The following CD200 variants were observed in gnomAD, a reference collection of about 807,000 sequenced individuals.
CD200 encodes the protein OX-2 membrane glycoprotein.
A neutral mutation model predicts 30.9 loss-of-function variants in CD200; 15 were observed. The ratio of observed to expected loss-of-function variants is 0.49; its 90% CI spans 0.32 to 0.75. CD200 has a LOEUF of 0.75. Ranked by LOEUF, CD200 falls within the 30% of genes least tolerant of loss-of-function variation. The probability of loss-of-function intolerance (pLI) is 0.03; values close to 1 mark genes in which losing one functional copy is unlikely to be tolerated. For synonymous variants in CD200, 134 were observed against 126.2 expected (o/e 1.06, Z -0.41); for missense variants, 262 against 324.2 (o/e 0.81, Z 1.47).
chr3:112,351,907 G>C (rs2081539523), intron 5 of CD200, among the ~76,000 whole-genome samples: 1 of 152,060 alleles, frequency 6.6e-6, no homozygotes, highest in Admixed American at 6.6e-5. Flanking sequence ...AATAAAAGAG[G>C]GTGCTGCCAG....
intron 1 of CD200, 39 bp from the exon 2 acceptor site, chr3:112,340,863 T>C (rs1177302453): frequency 7.8e-7 from 1 of 1,274,876 alleles, no homozygotes; most frequent in Non-Finnish European, 1.1e-6. Context: ...TTTGTCCAAA[T>C]CCAAACCCCC....
At chr3:112,353,420 C>T (rs1319415181) in intron 5 of CD200, among the ~76,000 whole-genome samples, 1 of 151,950 alleles carries the variant, frequency 6.6e-6, no homozygotes, top group Non-Finnish European at 1.5e-5. Flanking sequence ...CAAGTACTAG[C>T]TAATCCATGT....
At chr3:112,336,175 C>T (rs760420886) in intron 1 of CD200, among the ~76,000 whole-genome samples, 4 of 151,972 alleles carry the variant, frequency 2.6e-5, no homozygotes, top group Non-Finnish European at 4.4e-5. Context: ...AAGTTTAGGT[C>T]GTGGCTGTTT....
chr3:112,341,946 A>G (rs1231799077), intron 2 of CD200, among the ~76,000 whole-genome samples: 1 of 152,162 alleles, frequency 6.6e-6, no homozygotes, highest in Non-Finnish European at 1.5e-5. Context: ...TGAATCATGC[A>G]ATACTCAGGG....
rs910231910 is a variant in CD200 at position 112,361,940 on chromosome 3, A to T, written c.*390A>T. 1.0e-5 allele frequency: 2 copies of T among 197,406 alleles called. No homozygotes were observed. The highest frequency in any genetic ancestry group is 1.2e-4 in the Admixed American group (2 of 17,076). The allele number at this position is 197,406 out of a possible 1,614,324, so 12.2% of individuals were successfully genotyped here. On this transcript the variant is annotated 3_prime_UTR_variant, in exon 6 of 6. Transcript: ENST00000315711. ...AATTGGACCAAATAATTTACCACAT[A>T]GCTCTAAAACTTAATTTAAAATGTA...
rs200906443 is a variant in CD200 at position 112,334,758 on chromosome 3, AC to A, written c.12+1536del. Among the ~76,000 whole-genome samples, 127 of 151,172 alleles carry A rather than the reference AC, an allele frequency of 8.4e-4. No homozygotes were observed. The East Asian group carries it at 0.016, about 19-fold the overall frequency. ...CTGCACAGACTCGAGGAAAAAAAAAACCTGTAAAATAAAAATACGTATCTAT... is the reference window on the plus strand; with the variant it reads ...CTGCACAGACTCGAGGAAAAAAAAAACTGTAAAATAAAAATACGTATCTAT... On this transcript the variant is annotated intron_variant, in intron 1 of 5. Coordinates refer to ENST00000315711, the MANE Select transcript of CD200 (RefSeq NM_005944.7).
At chr3:112,339,444 G>T (rs1472428579) in intron 1 of CD200, among the ~76,000 whole-genome samples, 2 of 152,154 alleles carry the variant, frequency 1.3e-5, no homozygotes, top group Non-Finnish European at 2.9e-5. Context: ...TATTTTGTAG[G>T]CTGGGAGAGC....
At chr3:112,339,041 A>T (rs2081181688) in intron 1 of CD200, among the ~76,000 whole-genome samples, 1 of 152,218 alleles carries the variant, frequency 6.6e-6, no homozygotes, top group African/African-American at 2.4e-5. Flanking sequence ...ATTGGATGAA[A>T]TGCTTTATCT....
chr3:112,336,805 G>A (rs1406603587), intron 1 of CD200, among the ~76,000 whole-genome samples: 6 of 152,202 alleles, frequency 3.9e-5, no homozygotes, highest in South Asian at 2.1e-4. Context: ...CAATGAGACA[G>A]GCACCAAGAG....
chr3:112,352,540 TGA>T (rs3083141), intron 5 of CD200, among the ~76,000 whole-genome samples: 44,049 of 149,564 alleles, frequency 0.29, 6,678 homozygotes, highest in Non-Finnish European at 0.36. Context: ...GAGGTGGAAC[TGA>T]GAGAGAGAGA....
chr3:112,338,439 A>G (rs2081167635), intron 1 of CD200, among the ~76,000 whole-genome samples: 2 of 152,182 alleles, frequency 1.3e-5, no homozygotes, highest in African/African-American at 4.8e-5. Flanking sequence ...AGGAAAGATA[A>G]AAGAACTAAT....
rs1022196985 is a variant in CD200, at chr3:112,362,266, A to G, written c.*716A>G. On this transcript the variant is annotated 3_prime_UTR_variant, in exon 6 of 6. Coordinates refer to ENST00000315711, the MANE Select transcript of CD200 (RefSeq NM_005944.7). ...TTGTGAAGTAACATTGGCAATCTTA[A>G]CTTATTCATTTAACTTATTTTTATA... The G allele has an allele frequency of 6.6e-6, 1 of 152,212 alleles. No homozygotes were observed. Among genetic ancestry groups the G allele is most frequent in the Non-Finnish European group, 1.5e-5 (1 of 68,030 alleles). The allele number at this position is 152,212 out of a possible 1,614,324, so 9.4% of individuals were successfully genotyped here.
At chr3:112,345,356 C>T (rs1045813494) in intron 3 of CD200, 68 bp downstream of exon 3, 21 of 1,285,222 alleles carry the variant, frequency 1.6e-5, no homozygotes, top group South Asian at 1.1e-4. Flanking sequence ...GGAATATAGC[C>T]GTAGTGCCCA....
rs922254888 is a variant in CD200 at position 112,345,051 on chromosome 3, G to A, written c.184G>A (p.Val62Met). Residue 62 changes from valine (V) to methionine (M), a missense_variant, in exon 3 of 6, where the codon GTG becomes ATG. Physicochemically the swap from Val to Met is conservative, Grantham distance 21. Transcript: ENST00000315711. ...SLQNAQEALI[V>M]TWQKKKAVSP... ...GCAAAATGCCCAGGAAGCCCTCATTGTGACATGGCAGAAAAAGAAAGCTGT... is the reference window on the plus strand; with the variant it reads ...GCAAAATGCCCAGGAAGCCCTCATTATGACATGGCAGAAAAAGAAAGCTGT... The A allele has an allele frequency of 6.2e-7, 1 of 1,614,076 alleles. No homozygotes were observed. The highest frequency in any genetic ancestry group is 8.5e-7 in the Non-Finnish European group (1 of 1,180,000).
intron 2 of CD200, among the ~76,000 whole-genome samples, chr3:112,342,733 A>G (rs2081296946): frequency 6.6e-6 from 1 of 152,230 alleles, no homozygotes; most frequent in Admixed American, 6.5e-5. Flanking sequence ...TGTCTTACCC[A>G]TGTCTATAGA....
At position 112,336,799 on chromosome 3, in the gene CD200, G is replaced by A. The variant is rs1175468882; in HGVS notation, c.12+3575G>A. 5.3e-5 allele frequency among the ~76,000 whole-genome samples: 8 copies of A among 152,246 alleles called. No homozygotes were observed. The East Asian group carries it at 1.5e-3, about 29-fold the overall frequency. ...GATATTGAGGTTCTTGGGGGGCAATGAGACAGGCACCAAGAGACCACTACT... is the reference window on the plus strand; with the variant it reads ...GATATTGAGGTTCTTGGGGGGCAATAAGACAGGCACCAAGAGACCACTACT... On this transcript the variant is annotated intron_variant, in intron 1 of 5. Transcript: ENST00000315711.
Position 112,361,553 on chromosome 3 carries a change from A to G in CD200, c.*3A>G, listed in dbSNP as rs2108480481. The G allele has an allele frequency of 6.2e-7, 1 of 1,609,226 alleles. No homozygotes were observed. Among genetic ancestry groups the G allele is most frequent in the South Asian group, 1.1e-5 (1 of 90,990 alleles). ...TTTTCTTTTATCCAGAGCCCTAAAT[A>G]AGTCACACAGCACCCTGAAAGTGAT... is the stretch of plus-strand genomic sequence containing the variant. On this transcript the variant is annotated 3_prime_UTR_variant, in exon 6 of 6. Transcript: ENST00000315711.
upstream of CD200, chr3:112,332,625 GA>G: frequency 5.1e-6 from 1 of 197,238 alleles, no homozygotes; most frequent in Non-Finnish European, 1.0e-5. Context: ...AGGAGAAGGA[GA>G]AGGGAAAAAA....
rs552063267 is a variant in CD200 at position 112,361,584 on chromosome 3, G to A, written c.*34G>A. 1.9e-6 allele frequency: 3 copies of A among 1,593,320 alleles called. No individual in the cohort carries two copies. In the African/African-American group the frequency reaches 4.0e-5, roughly 21 times the overall value. ...CACAGCACCCTGAAAGTGATTCCCT[G>A]GTCTACTTGAATTTGACACAAGAGA... On this transcript the variant is annotated 3_prime_UTR_variant, in exon 6 of 6. Coordinates refer to ENST00000315711, the MANE Select transcript of CD200 (RefSeq NM_005944.7).
Sources: gnomAD v4.1 joint callset for allele counts (sites outside exome capture counted in the v4.1 genomes callset) on GRCh38, gnomAD v4.1.1 for gene constraint, MANE v1.5 for transcripts, NCBI Gene and HGNC (gene_info 2026-07-23, HGNC 2026-07-21) for gene names.